Variants in LRP1B observed in about 807,000 individuals in gnomAD.
The protein encoded by LRP1B is LDL receptor related protein 1B.
In LRP1B, 217 loss-of-function variants were observed where a neutral mutation model predicts 556.6. The ratio of observed to expected loss-of-function variants is 0.39; its 90% CI spans 0.35 to 0.44. The LOEUF (loss-of-function observed/expected upper bound fraction) is 0.44. Ranked by LOEUF, LRP1B falls within the 20% of genes least tolerant of loss-of-function variation. The probability of loss-of-function intolerance (pLI) is 1.00; values close to 1 mark genes in which losing one functional copy is unlikely to be tolerated. For missense variants in LRP1B, 5,053 were observed against 5,620.8 expected (o/e 0.90, Z 3.23); for synonymous variants, 2,047 against 1,865.8 (o/e 1.10, Z -2.50).
intron 43 of LRP1B, among the ~76,000 whole-genome samples, chr2:140,583,162 CT>C (rs1220644581): frequency 9.3e-5 from 10 of 107,816 alleles, no homozygotes; most frequent in Non-Finnish European, 8.7e-5. Context: ...ACAGTTTCTC[CT>C]TTTTTTTCTT....
chr2:141,291,871 A>T lies in LRP1B; in HGVS notation c.344-37230T>A, dbSNP rs1157845055. ...ACTCTGTCTCAAAAAAAAAAAAAAA[A>T]AAAAAAAAAAAAAAAAAAACTTGTT... On this transcript the variant is annotated intron_variant, in intron 3 of 90. Transcript: ENST00000389484. 3.8e-3 allele frequency among the ~76,000 whole-genome samples: 236 copies of T among 61,944 alleles called. 5 individuals are homozygous for T. Among genetic ancestry groups the T allele is most frequent in the African/African-American group, 9.6e-3 (218 of 22,728 alleles). The allele number at this position is 61,944 out of a possible 152,430, so 40.6% of individuals were successfully genotyped here.
At chr2:141,467,647 T>C (rs1449031955) in intron 3 of LRP1B, among the ~76,000 whole-genome samples, 1 of 152,134 alleles carries the variant, frequency 6.6e-6, no homozygotes, top group Non-Finnish European at 1.5e-5. Context: ...AAGTTATTGC[T>C]GCTTCTCTAT....
At chr2:140,450,503 ATTTTCCAGGTCTGGGATATAAG>A in intron 63 of LRP1B, 43 bp downstream of exon 63, 1 of 1,260,100 alleles carries the variant, frequency 7.9e-7, no homozygotes, top group Non-Finnish European at 1.1e-6. Context: ...TGTAGATTCA[ATTTTCCAGGTCTGGGATATAAG>A]GAACTCTAAA....
intron 7 of LRP1B, among the ~76,000 whole-genome samples, chr2:141,143,970 CTT>C (rs1056338100): frequency 1.3e-4 from 20 of 152,024 alleles, no homozygotes; most frequent in Admixed American, 5.9e-4. Flanking sequence ...ATTACACTGA[CTT>C]AATGCCATGA....
chr2:141,755,586 G>A (rs1323874809), intron 2 of LRP1B, among the ~76,000 whole-genome samples: 2 of 151,942 alleles, frequency 1.3e-5, no homozygotes, highest in African/African-American at 4.8e-5. Flanking sequence ...AAACCTTTTG[G>A]AGGGCAACAA....
intron 83 of LRP1B, among the ~76,000 whole-genome samples, chr2:140,305,627 A>G (rs1684033245): frequency 6.6e-6 from 1 of 152,078 alleles, no homozygotes; most frequent in African/African-American, 2.4e-5. Flanking sequence ...CTCTTTTCCT[A>G]ATTGAATACC....
chr2:141,117,052 G>A (rs1393621704), intron 7 of LRP1B, among the ~76,000 whole-genome samples: 1 of 151,794 alleles, frequency 6.6e-6, no homozygotes, highest in East Asian at 1.9e-4. Context: ...ATTTTTTCTA[G>A]ATGTATTAAT....
intron 67 of LRP1B, 151 bp downstream of exon 67, chr2:140,385,742 T>C (rs1258097438): frequency 1.6e-6 from 1 of 624,848 alleles, no homozygotes; most frequent in Non-Finnish European, 2.9e-6. Context: ...ATTCAGGTAG[T>C]CTGAATATTC....
At chr2:142,115,602 A>AAC (rs796499147) in intron 1 of LRP1B, among the ~76,000 whole-genome samples, 148 of 20,344 alleles carry the variant, frequency 7.3e-3, no homozygotes, top group Non-Finnish European at 0.013. Context: ...TTATATATGT[A>AAC]ATATATATTA....
At chr2:142,125,192 G>C (rs1707598564) in intron 1 of LRP1B, among the ~76,000 whole-genome samples, 1 of 151,690 alleles carries the variant, frequency 6.6e-6, no homozygotes, top group African/African-American at 2.4e-5. Flanking sequence ...GGAAAATATA[G>C]ATTTAAAATT....
intron 11 of LRP1B, among the ~76,000 whole-genome samples, chr2:141,031,946 C>T (rs553588388): frequency 4.0e-5 from 6 of 151,784 alleles, no homozygotes; most frequent in East Asian, 1.9e-4. Flanking sequence ...TGTATTTACA[C>T]GGTTACCTAT....
At chr2:140,701,582 C>T (rs1470945541) in intron 40 of LRP1B, 139 bp downstream of exon 40, 20 of 823,264 alleles carry the variant, frequency 2.4e-5, no homozygotes, top group Non-Finnish European at 3.7e-5. Context: ...CTATATGATA[C>T]TTGCAGGAAA....
intron 29 of LRP1B, among the ~76,000 whole-genome samples, chr2:140,843,706 C>G (rs1436086654): frequency 6.6e-6 from 1 of 152,162 alleles, no homozygotes; most frequent in Non-Finnish European, 1.5e-5. Flanking sequence ...CCTTCAACCA[C>G]AAAAACCTAA....
chr2:140,636,022 T>C (rs1684060624), intron 41 of LRP1B, among the ~76,000 whole-genome samples: 1 of 152,092 alleles, frequency 6.6e-6, no homozygotes, highest in Non-Finnish European at 1.5e-5. Context: ...ACAAGTCTTT[T>C]ATCAAAACTG....
rs2105116791 is a variant in LRP1B, at chr2:140,351,024, C to G, written c.11665G>C (p.Val3889Leu). ...TCAGTGTCATTAGCAATGTAGAGAA[C>G]TTGATCTTCAGAGCCTGGAGATTAT... ...TCIAEGSEDQ[V>L]LYIANDTDIL... The change falls in exon 77 of 91, where the codon GTT (valine) becomes CTT (leucine). Residue 3889 changes from valine to leucine, a missense_variant. Transcript: ENST00000389484. The G allele has an allele frequency of 6.3e-7, 1 of 1,580,096 alleles. No individual in the cohort carries two copies. Among genetic ancestry groups the G allele is most frequent in the East Asian group, 2.3e-5 (1 of 43,836 alleles).
chr2:141,132,306 C>G (rs2105030045), intron 7 of LRP1B, among the ~76,000 whole-genome samples: 1 of 151,984 alleles, frequency 6.6e-6, no homozygotes, highest in African/African-American at 2.4e-5. Flanking sequence ...TGTTATTGCT[C>G]TCACAAGACT....
intron 63 of LRP1B, among the ~76,000 whole-genome samples, chr2:140,447,620 T>C (rs1455140615): frequency 1.3e-5 from 2 of 152,154 alleles, no homozygotes; most frequent in South Asian, 2.1e-4. Flanking sequence ...GCATCTGTAC[T>C]GTCTGATCAT....
intron 3 of LRP1B, among the ~76,000 whole-genome samples, chr2:141,353,931 C>G (rs2714207): frequency 0.58 from 87,375 of 151,676 alleles, 25,904 homozygotes; most frequent in Middle Eastern, 0.63. Flanking sequence ...AGTTAAGGTT[C>G]TTCTTCATGC....
chr2:140,759,666 C>G (rs530570434), intron 35 of LRP1B, among the ~76,000 whole-genome samples: 6 of 152,170 alleles, frequency 3.9e-5, no homozygotes, highest in South Asian at 2.1e-4. Flanking sequence ...TTTGGAGCAC[C>G]CTTTGTGGCC....
Sources: allele counts gnomAD v4.1 joint callset (sites outside exome capture counted in the v4.1 genomes callset), GRCh38; gene constraint gnomAD v4.1.1; transcripts MANE v1.5; gene names NCBI Gene and HGNC (gene_info 2026-07-23, HGNC 2026-07-21).